CCDC14: variants seen among roughly 807,000 people sequenced by gnomAD.
CCDC14 encodes the protein coiled-coil domain containing 14.
Under a neutral mutation model 81.4 loss-of-function variants are expected in CCDC14, and 71 were observed. That is an observed-to-expected ratio of 0.87 (90% confidence interval 0.72 to 1.06). The LOEUF (loss-of-function observed/expected upper bound fraction) is 1.06. Among genes scored for constraint, CCDC14 ranks in the 50% least tolerant of loss-of-function variants. CCDC14 has a pLI of 0.00. For synonymous variants in CCDC14, 332 were observed against 364.8 expected (o/e 0.91, Z 1.03); for missense variants, 1,046 against 1,047.3 (o/e 1.00, Z 0.02).
At chr3:123,948,626 A>T (rs1416367138) in intron 7 of CCDC14, 65 bp downstream of exon 7, 1 of 1,158,398 alleles carries the variant, frequency 8.6e-7, no homozygotes, top group Non-Finnish European at 1.2e-6. Flanking sequence ...AATAAATTCA[A>T]CAGTCCCTCC....
chr3:123,894,154 G>A (rs908264172), downstream of CCDC14, among the ~76,000 whole-genome samples: 2 of 152,158 alleles, frequency 1.3e-5, no homozygotes, highest in Non-Finnish European at 2.9e-5. Flanking sequence ...CATGGTATAA[G>A]GTAAGGGTCC....
At chr3:123,956,213 C>T in intron 3 of CCDC14, 98 bp from the exon 4 acceptor site, 1 of 1,305,178 alleles carries the variant, frequency 7.7e-7, no homozygotes, top group East Asian at 2.5e-5. Flanking sequence ...TATTTACAAA[C>T]TATTATTGGT....
chr3:123,950,983 C>T (rs1333841128), intron 5 of CCDC14, among the ~76,000 whole-genome samples: 3 of 151,998 alleles, frequency 2.0e-5, no homozygotes, highest in East Asian at 1.9e-4. Flanking sequence ...TATTTGACTA[C>T]GAAAATGGCT....
At chr3:123,892,839 C>G (rs1333897683), downstream of CCDC14, among the ~76,000 whole-genome samples, 1 of 152,010 alleles carries the variant, frequency 6.6e-6, no homozygotes, top group Non-Finnish European at 1.5e-5. Flanking sequence ...GAGTCTTGCT[C>G]TGTTGCCCAG....
At chr3:123,955,190 G>A (rs1156571374) in intron 5 of CCDC14, 1 of 152,118 alleles carries the variant, frequency 6.6e-6, no homozygotes, top group African/African-American at 2.4e-5. Flanking sequence ...CTATAGAACT[G>A]GCTAGTCTAA....
intron 5 of CCDC14, among the ~76,000 whole-genome samples, chr3:123,904,548 TGGTGGGATTTCA>T (rs1021274033): frequency 6.6e-6 from 1 of 151,478 alleles, no homozygotes; most frequent in Admixed American, 6.6e-5. Context: ...AATCTCATGA[TGGTGGGATTTCA>T]GGTGGGATTT....
the CCDC14 span, among the ~76,000 whole-genome samples, chr3:123,887,419 A>G: frequency 2.6e-5 from 4 of 151,888 alleles, no homozygotes; most frequent in South Asian, 2.1e-4. Context: ...TTGAAGGTCA[A>G]TTTTGTTGGA....
chr3:123,924,795 A>T (rs2035260335), intron 12 of CCDC14, among the ~76,000 whole-genome samples: 1 of 152,150 alleles, frequency 6.6e-6, no homozygotes, highest in African/African-American at 2.4e-5. Flanking sequence ...ACCCTTGTAT[A>T]CTGTTGGTAG....
intron 5 of CCDC14, among the ~76,000 whole-genome samples, chr3:123,908,141 G>A (rs747470560): frequency 2.6e-5 from 4 of 152,082 alleles, no homozygotes; most frequent in Non-Finnish European, 5.9e-5. Context: ...AAGAAAGAAG[G>A]AAAGAAGGTA....
chr3:123,955,557 G>C (rs966709066), intron 5 of CCDC14: 3 of 193,738 alleles, frequency 1.5e-5, no homozygotes, highest in African/African-American at 6.9e-5. Flanking sequence ...CAAGTGGCAG[G>C]GGAAACTAAG....
chr3:123,961,060 G>T, intron 1 of CCDC14, 84 bp downstream of exon 1: 7 of 1,199,718 alleles, frequency 5.8e-6, no homozygotes, highest in Non-Finnish European at 8.1e-6. Flanking sequence ...CTTTTTTCGA[G>T]CAGAGTTTTA....
At chr3:123,916,801 GA>G (rs1320677231) in intron 12 of CCDC14, among the ~76,000 whole-genome samples, 1 of 152,030 alleles carries the variant, frequency 6.6e-6, no homozygotes, top group Non-Finnish European at 1.5e-5. Context: ...TTGTTTGTTT[GA>G]TGGCAGCCTT....
chr3:123,949,169 T>G, intron 5 of CCDC14, 37 bp from the exon 6 acceptor site: 1 of 1,328,896 alleles, frequency 7.5e-7, no homozygotes, highest in Non-Finnish European at 1.1e-6. Flanking sequence ...TGAAATATGA[T>G]TCTTCAAAAA....
downstream of CCDC14, among the ~76,000 whole-genome samples, chr3:123,892,425 T>C (rs1420809189): frequency 6.7e-6 from 1 of 150,134 alleles, no homozygotes; most frequent in African/African-American, 2.5e-5. Context: ...CATTTTTCCC[T>C]CCTAGGCCTC....
At chr3:123,921,876 A>G (rs189151214) in intron 12 of CCDC14, among the ~76,000 whole-genome samples, 1 of 152,254 alleles carries the variant, frequency 6.6e-6, no homozygotes, top group Non-Finnish European at 1.5e-5. Context: ...GTTTAGACCA[A>G]ATAGATCTCA....
intron 10 of CCDC14, among the ~76,000 whole-genome samples, chr3:123,932,089 A>T (rs762863215): frequency 6.6e-6 from 1 of 152,206 alleles, no homozygotes; most frequent in Non-Finnish European, 1.5e-5. Flanking sequence ...GAGCAAATAC[A>T]TGCTCAGCGA....
At chr3:123,904,487 GTATTTT>G (rs772536585) in intron 5 of CCDC14, among the ~76,000 whole-genome samples, 1 of 152,038 alleles carries the variant, frequency 6.6e-6, no homozygotes, top group African/African-American at 2.4e-5. Context: ...AATTACTTGT[GTATTTT>G]TATGTGTATG....
intron 12 of CCDC14, among the ~76,000 whole-genome samples, chr3:123,929,087 C>T (rs1266874853): frequency 6.6e-6 from 1 of 152,136 alleles, no homozygotes; most frequent in Admixed American, 6.5e-5. Flanking sequence ...AGGAAAACTA[C>T]CAGAGAACTA....
downstream of CCDC14, among the ~76,000 whole-genome samples, chr3:123,893,048 C>T (rs1289711514): frequency 6.6e-6 from 1 of 152,198 alleles, no homozygotes; most frequent in Non-Finnish European, 1.5e-5. Flanking sequence ...TTGTGATCCA[C>T]CCACCTTGGC....
Sources: gnomAD v4.1 joint callset for allele counts (sites outside exome capture counted in the v4.1 genomes callset) on GRCh38, gnomAD v4.1.1 for gene constraint, MANE v1.5 for transcripts, NCBI Gene and HGNC (gene_info 2026-07-23, HGNC 2026-07-21) for gene names.